GRM5: variants seen among roughly 807,000 people sequenced by gnomAD.
The protein encoded by GRM5 is metabotropic glutamate receptor 5.
Under a neutral mutation model 83.1 loss-of-function variants are expected in GRM5, and 19 were observed. That is an observed-to-expected ratio of 0.23 (90% CI 0.16 to 0.34). The LOEUF (loss-of-function observed/expected upper bound fraction) is 0.34. Among genes scored for constraint, GRM5 ranks in the 10% least tolerant of loss-of-function variants. GRM5 has a pLI of 1.00. For missense variants in GRM5, 1,160 were observed against 1,588.3 expected (o/e 0.73, Z 4.58); for synonymous variants, 675 against 633.6 (o/e 1.07, Z -0.98).
At chr11:88,910,432 T>A (rs919970838) in intron 2 of GRM5, among the ~76,000 whole-genome samples, 4 of 152,094 alleles carry the variant, frequency 2.6e-5, no homozygotes, top group African/African-American at 9.7e-5. Context: ...ACCTAGGAGT[T>A]CTCAAATACC....
chr11:88,908,631 T>C (rs1945443222), intron 2 of GRM5, among the ~76,000 whole-genome samples: 1 of 152,180 alleles, frequency 6.6e-6, no homozygotes, highest in South Asian at 2.1e-4. Context: ...CTTATCCTAT[T>C]ATACCTTATT....
chr11:88,539,848 CT>C (rs1450404241), intron 8 of GRM5, among the ~76,000 whole-genome samples: 2 of 152,190 alleles, frequency 1.3e-5, no homozygotes, highest in Non-Finnish European at 2.9e-5. Context: ...TTGTCTCAGC[CT>C]GTCTCCCCTG....
intron 2 of GRM5, among the ~76,000 whole-genome samples, chr11:88,990,347 A>G (rs534507143): frequency 5.6e-4 from 85 of 151,874 alleles, no homozygotes; most frequent in African/African-American, 2.0e-3. Flanking sequence ...CAATAACAGG[A>G]TCTGAAATTG....
At chr11:88,666,075 C>G (rs1940035860) in intron 3 of GRM5, among the ~76,000 whole-genome samples, 1 of 152,110 alleles carries the variant, frequency 6.6e-6, no homozygotes, top group Non-Finnish European at 1.5e-5. Context: ...TATTTCCTCC[C>G]TTGAATTCTT....
chr11:88,740,425 C>T (rs888891228), intron 3 of GRM5, among the ~76,000 whole-genome samples: 1 of 152,006 alleles, frequency 6.6e-6, no homozygotes, highest in Non-Finnish European at 1.5e-5. Context: ...TGGAGCAGTA[C>T]ATATATTTTT....
chr11:88,747,253 T>C (rs147038424), intron 3 of GRM5, among the ~76,000 whole-genome samples: 2 of 152,318 alleles, frequency 1.3e-5, no homozygotes, highest in Non-Finnish European at 2.9e-5. Flanking sequence ...TTCAGATGCA[T>C]GTGGTTTTCA....
intron 3 of GRM5, among the ~76,000 whole-genome samples, chr11:88,846,987 A>G (rs1944312409): frequency 1.3e-5 from 2 of 152,306 alleles, no homozygotes; most frequent in East Asian, 3.9e-4. Flanking sequence ...ACAGAAGACA[A>G]GTTAGTAGAA....
intron 7 of GRM5, among the ~76,000 whole-genome samples, chr11:88,586,649 G>A (rs1339444317): frequency 6.6e-6 from 1 of 152,152 alleles, no homozygotes; most frequent in African/African-American, 2.4e-5. Context: ...TAGCAATTCC[G>A]AGTGATGTGT....
At chr11:88,928,047 C>A (rs1945818870) in intron 2 of GRM5, among the ~76,000 whole-genome samples, 1 of 151,970 alleles carries the variant, frequency 6.6e-6, no homozygotes, top group Admixed American at 6.6e-5. Context: ...TTACCAGGGG[C>A]TCATGAGTAG....
intron 3 of GRM5, among the ~76,000 whole-genome samples, chr11:88,696,289 C>T (rs1200522723): frequency 6.6e-6 from 1 of 152,096 alleles, no homozygotes; most frequent in African/African-American, 2.4e-5. Flanking sequence ...TGTCCAACTG[C>T]TTGTGTCTGT....
chr11:88,890,101 A>G (rs988079669), intron 2 of GRM5, among the ~76,000 whole-genome samples: 1 of 103,850 alleles, frequency 9.6e-6, no homozygotes, highest in Non-Finnish European at 2.0e-5. Flanking sequence ...TGGCCACCTG[A>G]AAGATATGGA....
intron 2 of GRM5, among the ~76,000 whole-genome samples, chr11:88,861,292 T>A (rs765365801): frequency 1.3e-5 from 2 of 152,140 alleles, no homozygotes; most frequent in African/African-American, 2.4e-5. Flanking sequence ...GCACAGCACA[T>A]GCTCCAGCCA....
intron 2 of GRM5, among the ~76,000 whole-genome samples, chr11:89,000,283 G>A (rs1471855057): frequency 6.6e-6 from 1 of 151,848 alleles, no homozygotes; most frequent in Non-Finnish European, 1.5e-5. Context: ...ATTTTGAAAA[G>A]GAAAAATAAG....
At chr11:88,877,480 TTTATTA>T (rs1186408834) in intron 2 of GRM5, among the ~76,000 whole-genome samples, 7 of 151,966 alleles carry the variant, frequency 4.6e-5, no homozygotes, top group African/African-American at 1.4e-4. Flanking sequence ...CATTAAGCAG[TTTATTA>T]TTATTATTAT....
At chr11:88,711,294 G>A (rs1331691743) in intron 3 of GRM5, among the ~76,000 whole-genome samples, 1 of 152,058 alleles carries the variant, frequency 6.6e-6, no homozygotes, top group African/African-American at 2.4e-5. Context: ...TCCTCTTGCT[G>A]GTACCTTCCA....
chr11:89,024,260 T>G (rs886865058), intron 2 of GRM5, among the ~76,000 whole-genome samples: 1 of 152,230 alleles, frequency 6.6e-6, no homozygotes, highest in African/African-American at 2.4e-5. Flanking sequence ...GTATCTTTTT[T>G]AATCCCAAAG....
At chr11:88,614,001 G>C (rs76258582) in intron 4 of GRM5, among the ~76,000 whole-genome samples, 5,284 of 152,104 alleles carry the variant, frequency 0.035, 301 homozygotes, top group African/African-American at 0.12. Context: ...CAGAAGATTG[G>C]GTATTCAGTG....
intron 3 of GRM5, among the ~76,000 whole-genome samples, chr11:88,744,787 T>C (rs1942099265): frequency 6.6e-6 from 1 of 152,166 alleles, no homozygotes; most frequent in Non-Finnish European, 1.5e-5. Flanking sequence ...TCAGAAGTAC[T>C]TTCGAGAATC....
At chr11:88,924,954 T>G (rs1205573067) in intron 2 of GRM5, among the ~76,000 whole-genome samples, 1 of 151,888 alleles carries the variant, frequency 6.6e-6, no homozygotes, top group African/African-American at 2.4e-5. Flanking sequence ...TAAAAATAAA[T>G]TTAAAAAAAT....
Sources: allele counts gnomAD v4.1 joint callset (sites outside exome capture counted in the v4.1 genomes callset), GRCh38; gene constraint gnomAD v4.1.1; transcripts MANE v1.5; gene names NCBI Gene and HGNC (gene_info 2026-07-23, HGNC 2026-07-21).